The following MMP26 variants were observed in gnomAD, a reference collection of about 807,000 sequenced individuals.
MMP26 encodes matrix metalloproteinase-26.
A neutral mutation model predicts 31.0 loss-of-function variants in MMP26; 33 were observed. The ratio of observed to expected loss-of-function variants is 1.06; its 90% CI spans 0.81 to 1.42. The LOEUF (loss-of-function observed/expected upper bound fraction) is 1.42, where lower values mean the gene tolerates loss of function less well. MMP26 is among the 40% of genes most tolerant of loss of function. The probability of loss-of-function intolerance (pLI) is 0.00; values close to 1 mark genes in which losing one functional copy is unlikely to be tolerated. For missense variants in MMP26, 347 were observed against 316.1 expected (o/e 1.10, Z -0.74); for synonymous variants, 122 against 114.9 (o/e 1.06, Z -0.40).
intron 1 of MMP26, chr11:4,723,532 G>T: frequency 8.3e-7 from 1 of 1,197,924 alleles, no homozygotes; most frequent in Non-Finnish European, 1.2e-6. Context: ...GATCTCGTCA[G>T]TCAGCCCTTC....
At chr11:4,851,630 T>A (rs980444046) in intron 2 of MMP26, among the ~76,000 whole-genome samples, 8 of 151,954 alleles carry the variant, frequency 5.3e-5, no homozygotes, top group Non-Finnish European at 1.0e-4. Context: ...ATATTATATA[T>A]GTGTGTGTCT....
chr11:4,898,772 C>T (rs1436309878), intron 2 of MMP26, among the ~76,000 whole-genome samples: 1 of 151,116 alleles, frequency 6.6e-6, no homozygotes, highest in Non-Finnish European at 1.5e-5. Flanking sequence ...GTCACTGGAT[C>T]TACTCTTTAA....
At chr11:4,804,331 A>G (rs1274422787) in intron 2 of MMP26, 1 of 1,614,196 alleles carries the variant, frequency 6.2e-7, no homozygotes, top group South Asian at 1.1e-5. Flanking sequence ...GATTCCAAGC[A>G]GGATGAAGGA....
At chr11:4,931,278 G>A (rs1271919869) in intron 2 of MMP26, among the ~76,000 whole-genome samples, 2 of 152,044 alleles carry the variant, frequency 1.3e-5, no homozygotes, top group African/African-American at 2.4e-5. Flanking sequence ...TGATCCATTG[G>A]CATTTAGTTT....
chr11:4,978,343 C>T (rs1840719183), intron 2 of MMP26, among the ~76,000 whole-genome samples: 1 of 152,102 alleles, frequency 6.6e-6, no homozygotes, highest in South Asian at 2.1e-4. Flanking sequence ...CATATTCTTA[C>T]TTGGCCACAT....
intron 2 of MMP26, among the ~76,000 whole-genome samples, chr11:4,840,124 T>C (rs970953373): frequency 8.5e-5 from 13 of 152,118 alleles, no homozygotes; most frequent in Non-Finnish European, 1.8e-4. Context: ...GGAAGGTCTG[T>C]ATCTTGTGAT....
Position 4,735,875 on chromosome 11 carries a change from G to C in MMP26, c.-217+30830G>C, listed in dbSNP as rs546679218. 3.9e-5 allele frequency among the ~76,000 whole-genome samples: 6 copies of C among 152,060 alleles called. No individual in the cohort carries two copies. In the South Asian group the frequency reaches 6.3e-4, roughly 16 times the overall value. On this transcript the variant is annotated intron_variant, in intron 1 of 7. Transcript: ENST00000380390. ...GTTTTACATATAATTTCGGAGGTTT[G>C]GTCTCATGAAGAAAGTGCTCATTTC...
rs113849203 is a variant in MMP26, at chr11:4,857,317, A to G, written c.-145+89976A>G. The stretch of plus-strand genomic sequence containing the variant: ...TTTGTTAAAAAGATTAACAAAATTG[A>G]TAGACTGCTAGCAAGACTAATAAAG... On this transcript the variant is annotated intron_variant, in intron 2 of 7. Coordinates refer to ENST00000380390, the MANE Select transcript of MMP26 (RefSeq NM_021801.5). Among the ~76,000 whole-genome samples the G allele has an allele frequency of 3.0e-3, 451 of 152,276 alleles. 4 individuals are homozygous for G. Among genetic ancestry groups the G allele is most frequent in the African/African-American group, 0.01 (434 of 41,558 alleles).
chr11:4,734,199 T>A (rs114065081), intron 1 of MMP26, among the ~76,000 whole-genome samples: 2,105 of 152,284 alleles, frequency 0.014, 55 homozygotes, highest in African/African-American at 0.048. Flanking sequence ...ATGTATTTAC[T>A]CTTCTATTTT....
intron 2 of MMP26, among the ~76,000 whole-genome samples, chr11:4,916,945 G>A (rs1851103347): frequency 1.3e-5 from 2 of 152,196 alleles, no homozygotes; most frequent in Non-Finnish European, 2.9e-5. Context: ...GTCTTCTACA[G>A]AGGAAGAAAT....
intron 2 of MMP26, chr11:4,832,878 C>G (rs927487979): frequency 1.5e-5 from 3 of 196,696 alleles, no homozygotes; most frequent in African/African-American, 7.0e-5. Flanking sequence ...CTGTGCTGTA[C>G]TCGTCTTCTA....
chr11:4,852,059 G>C (rs1286325327), intron 2 of MMP26, among the ~76,000 whole-genome samples: 2 of 152,050 alleles, frequency 1.3e-5, no homozygotes, highest in Non-Finnish European at 2.9e-5. Flanking sequence ...ACATACCATA[G>C]ATTCAAAGAA....
At chr11:4,969,415 G>A (rs1292014432) in intron 2 of MMP26, among the ~76,000 whole-genome samples, 1 of 151,900 alleles carries the variant, frequency 6.6e-6, no homozygotes, top group Admixed American at 6.6e-5. Flanking sequence ...CTAACATTAA[G>A]GTTGCAAGTT....
chr11:4,898,307 TTG>T (rs1564802731), intron 2 of MMP26, among the ~76,000 whole-genome samples: 1 of 152,054 alleles, frequency 6.6e-6, no homozygotes, highest in Non-Finnish European at 1.5e-5. Context: ...ATTTCTCTAC[TTG>T]TATATCTTTT....
At chr11:4,933,563 TTG>T (rs1491150599) in intron 2 of MMP26, among the ~76,000 whole-genome samples, 2 of 11,192 alleles carry the variant, frequency 1.8e-4, no homozygotes, top group South Asian at 6.8e-3. Flanking sequence ...TTTGTTTGTT[TTG>T]TTTTTTTTAT....
chr11:4,823,630 C>T (rs772961447), intron 2 of MMP26, among the ~76,000 whole-genome samples: 1 of 152,142 alleles, frequency 6.6e-6, no homozygotes, highest in Non-Finnish European at 1.5e-5. Context: ...AATGCCGAGA[C>T]ATCCATACAA....
intron 1 of MMP26, among the ~76,000 whole-genome samples, chr11:4,728,139 A>G (rs1239168547): frequency 6.6e-6 from 1 of 152,254 alleles, no homozygotes; most frequent in African/African-American, 2.4e-5. Context: ...AAAGTTATTA[A>G]TAAAGATGCT....
Position 4,991,939 on chromosome 11 carries a change from CT to C in MMP26, c.596-15del, listed in dbSNP as rs137983092. The C allele has an allele frequency of 6.1e-3, 8,496 of 1,391,758 alleles. 314 individuals are homozygous for C. In the African/African-American group the frequency reaches 0.095, roughly 16 times the overall value. The allele number at this position is 1,391,758 out of a possible 1,614,324, so 86.2% of individuals were successfully genotyped here. Reference sequence around the variant, plus strand: ...ATTCCCTATGCATAGTTAATTTTATCTTTTTTTTTTCTATAATTTTTCAGGA... The same window carrying C: ...ATTCCCTATGCATAGTTAATTTTATCTTTTTTTTTCTATAATTTTTCAGGA... On this transcript the variant is annotated intron_variant, in intron 6 of 7. Transcript: ENST00000380390.
chr11:4,717,519 C>T (rs1385473915), intron 1 of MMP26, among the ~76,000 whole-genome samples: 1 of 150,790 alleles, frequency 6.6e-6, no homozygotes, highest in African/African-American at 2.4e-5. Flanking sequence ...TAGAATATTT[C>T]CATGTTGTTT....
Sources: gnomAD v4.1 joint callset for allele counts (sites outside exome capture counted in the v4.1 genomes callset) on GRCh38, gnomAD v4.1.1 for gene constraint, MANE v1.5 for transcripts, NCBI Gene and HGNC (gene_info 2026-07-23, HGNC 2026-07-21) for gene names.